PCDH15: variants seen among roughly 807,000 people sequenced by gnomAD.
The protein encoded by PCDH15 is protocadherin-15.
In PCDH15, 129 loss-of-function variants were observed where a neutral mutation model predicts 178.5. The ratio of observed to expected loss-of-function variants is 0.72; its 90% CI spans 0.63 to 0.84. The LOEUF is 0.84. Among genes scored for constraint, PCDH15 ranks in the 40% least tolerant of loss-of-function variants. The probability of loss-of-function intolerance (pLI) is 0.00; values close to 1 mark genes in which losing one functional copy is unlikely to be tolerated. For missense variants in PCDH15, 2,230 were observed against 2,099.9 expected (o/e 1.06, Z -1.21); for synonymous variants, 800 against 732.0 (o/e 1.09, Z -1.50).
At chr10:55,000,393 C>G (rs1839770731) in intron 2 of PCDH15, among the ~76,000 whole-genome samples, 1 of 152,182 alleles carries the variant, frequency 6.6e-6, no homozygotes, top group African/African-American at 2.4e-5. Context: ...CACTGGTGGT[C>G]AGAGTTTAAG....
Position 53,963,708 on chromosome 10 carries a change from G to A in PCDH15, c.2869-1816C>T, listed in dbSNP as rs1249272752. Among the ~76,000 whole-genome samples the A allele has an allele frequency of 2.0e-5, 3 of 152,018 alleles. No homozygotes were observed. The South Asian group carries it at 6.2e-4, about 32-fold the overall frequency. ...TAATGGCTCTACCTTTTACTAAGGT[G>A]TTCTATCTGAAAGCCTAGGGGTAAT... On this transcript the variant is annotated intron_variant, in intron 21 of 37. Coordinates refer to ENST00000644397, the MANE Select transcript of PCDH15 (RefSeq NM_001384140.1).
intron 2 of PCDH15, among the ~76,000 whole-genome samples, chr10:54,970,905 T>A (rs1838915215): frequency 6.6e-6 from 1 of 152,172 alleles, no homozygotes; most frequent in South Asian, 2.1e-4. Context: ...ATAAAAATAT[T>A]TATCATATGT....
At chr10:53,972,931 G>A (rs1400295227) in intron 21 of PCDH15, among the ~76,000 whole-genome samples, 1 of 152,066 alleles carries the variant, frequency 6.6e-6, no homozygotes, top group African/African-American at 2.4e-5. Flanking sequence ...CCCAGCCATC[G>A]CATTACTGGG....
chr10:55,484,017 G>A (rs1840243600), intron 2 of PCDH15, among the ~76,000 whole-genome samples: 1 of 151,710 alleles, frequency 6.6e-6, no homozygotes. Flanking sequence ...GGATGGATCT[G>A]GAGGCCATTA....
chr10:55,613,123 T>C (rs1001160440), intron 2 of PCDH15, among the ~76,000 whole-genome samples: 2 of 150,668 alleles, frequency 1.3e-5, no homozygotes, highest in African/African-American at 2.4e-5. Context: ...CAGATCTTAA[T>C]TGTGGAATCT....
At position 54,084,592 on chromosome 10, in the gene PCDH15, T is replaced by C. The variant is rs1402379676; in HGVS notation, c.1998-5168A>G. Among the ~76,000 whole-genome samples the C allele has an allele frequency of 2.0e-5, 3 of 152,024 alleles. No individual in the cohort carries two copies. In the East Asian group the frequency reaches 5.8e-4, roughly 29 times the overall value. ...GAGACTAGCCTGGGCAACAGAGTAA[T>C]ACCCAGTCTTAAGAAAATTCAATGA... On this transcript the variant is annotated intron_variant, in intron 16 of 37. Transcript: ENST00000644397.
chr10:53,892,900 C>T (rs759744601), intron 26 of PCDH15, among the ~76,000 whole-genome samples: 3 of 152,048 alleles, frequency 2.0e-5, no homozygotes, highest in Non-Finnish European at 4.4e-5. Flanking sequence ...CATCTGTCTG[C>T]ATTTGTGCCA....
chr10:54,708,511 A>G (rs2095391107), intron 1 of PCDH15, among the ~76,000 whole-genome samples: 1 of 152,186 alleles, frequency 6.6e-6, no homozygotes, highest in South Asian at 2.1e-4. Context: ...TTGATTAGAC[A>G]TTATATTACA....
intron 3 of PCDH15, among the ~76,000 whole-genome samples, chr10:54,820,830 A>C (rs1364509441): frequency 6.6e-6 from 1 of 152,064 alleles, no homozygotes; most frequent in South Asian, 2.1e-4. Context: ...TTAATGAATT[A>C]TATTAATTCC....
intron 2 of PCDH15, among the ~76,000 whole-genome samples, chr10:55,606,509 A>C (rs1843220565): frequency 6.8e-6 from 1 of 147,928 alleles, no homozygotes; most frequent in Non-Finnish European, 1.5e-5. Flanking sequence ...CTACAAGGCT[A>C]CAGTAACCAA....
chr10:54,124,669 C>T (rs1461219033), intron 15 of PCDH15, among the ~76,000 whole-genome samples: 6 of 152,156 alleles, frequency 3.9e-5, no homozygotes, highest in Admixed American at 1.3e-4. Context: ...ATAAATTTTA[C>T]GATGCAGTGC....
At chr10:53,812,850 T>A (rs958717426) in intron 35 of PCDH15, among the ~76,000 whole-genome samples, 28 of 152,146 alleles carry the variant, frequency 1.8e-4, no homozygotes, top group Non-Finnish European at 2.5e-4. Context: ...ATCTATTATT[T>A]ATAAAAATTT....
chr10:54,933,171 C>T (rs1369261255), intron 2 of PCDH15, among the ~76,000 whole-genome samples: 2 of 151,290 alleles, frequency 1.3e-5, no homozygotes, highest in African/African-American at 2.4e-5. Context: ...TGTGTAAGTA[C>T]ACTCTATGAT....
At chr10:55,602,509 C>T (rs1328582685) in intron 2 of PCDH15, among the ~76,000 whole-genome samples, 1 of 152,122 alleles carries the variant, frequency 6.6e-6, no homozygotes, top group South Asian at 2.1e-4. Flanking sequence ...TTGAAGAGAG[C>T]AGTGGTTCTC....
In PCDH15 at chr10:54,822,964, CT is replaced by C. The variant is rs544737574; in HGVS notation, c.-29+74485del. ...TGGCAAAATCTCGGCTCACTGCAAC[CT>C]CTGCCTCCAGGATTCAAGAAATACT... is the stretch of plus-strand genomic sequence containing the variant. On this transcript the variant is annotated intron_variant, in intron 3 of 5. Transcript: ENST00000458638. Among the ~76,000 whole-genome samples, 1,213 of 152,090 alleles carry C rather than the reference CT, an allele frequency of 8.0e-3. 4 individuals carry two copies. Among genetic ancestry groups the C allele is most frequent in the Middle Eastern group, 0.017 (5 of 294 alleles).
At chr10:54,193,196 CT>C (rs1275016319) in intron 11 of PCDH15, among the ~76,000 whole-genome samples, 2 of 152,138 alleles carry the variant, frequency 1.3e-5, no homozygotes, top group East Asian at 3.9e-4. Context: ...GTACTACTGT[CT>C]TTTACAAAGT....
rs182600686 is a variant in PCDH15, at chr10:55,327,109, A to G, written c.-155-160458T>C. Among the ~76,000 whole-genome samples, 8 of 152,238 alleles carry G rather than the reference A, an allele frequency of 5.3e-5. 1 individual carries two copies. In the South Asian group the frequency reaches 8.3e-4, roughly 16 times the overall value. ...GAGGTGAGGCCTTTGAGATATGATTAGGATGTAGGACCAGAACCCTCATGA... is the reference window on the plus strand; with the variant it reads ...GAGGTGAGGCCTTTGAGATATGATTGGGATGTAGGACCAGAACCCTCATGA... On this transcript the variant is annotated intron_variant, in intron 2 of 5. Transcript: ENST00000613346.
chr10:53,833,516 C>T (rs866316040), intron 29 of PCDH15, among the ~76,000 whole-genome samples: 1 of 152,154 alleles, frequency 6.6e-6, no homozygotes, highest in South Asian at 2.1e-4. Flanking sequence ...GCTTCCATTG[C>T]CTTTTGTCAT....
chr10:54,182,638 C>A (rs569560492), intron 13 of PCDH15, among the ~76,000 whole-genome samples: 1 of 151,794 alleles, frequency 6.6e-6, no homozygotes, highest in African/African-American at 2.4e-5. Flanking sequence ...TCAAAGTTAC[C>A]ATTTACTATC....
Sources: allele counts gnomAD v4.1 joint callset (sites outside exome capture counted in the v4.1 genomes callset), GRCh38; gene constraint gnomAD v4.1.1; transcripts MANE v1.5; gene names NCBI Gene and HGNC (gene_info 2026-07-23, HGNC 2026-07-21).